The following HMGXB4 variants were observed in gnomAD, a reference collection of about 807,000 sequenced individuals.
HMGXB4 encodes the protein HMG domain-containing protein 4.
In HMGXB4, 27 loss-of-function variants were observed where a neutral mutation model predicts 63.9. The observed-to-expected ratio is 0.42, with a 90% CI of 0.31 to 0.58. The LOEUF (loss-of-function observed/expected upper bound fraction) is 0.58. Among genes scored for constraint, HMGXB4 ranks in the 20% least tolerant of loss-of-function variants. The pLI is 0.13. For synonymous variants in HMGXB4, 264 were observed against 265.3 expected (o/e 0.99, Z 0.05); for missense variants, 624 against 700.7 (o/e 0.89, Z 1.24).
chr22:35,278,078 G>A (rs1219010884), intron 5 of HMGXB4, among the ~76,000 whole-genome samples: 2 of 152,172 alleles, frequency 1.3e-5, no homozygotes, highest in Non-Finnish European at 2.9e-5. Context: ...TTTCCAGAAT[G>A]CCACATAGTT....
chr22:35,263,289 A>ATT, intron 3 of HMGXB4, 63 bp downstream of exon 3: 1 of 1,259,380 alleles, frequency 7.9e-7, no homozygotes, highest in South Asian at 1.4e-5. Flanking sequence ...GGTGATGCAG[A>ATT]GTTTTTTTTT....
rs368727575 is a variant in HMGXB4 at position 35,262,345 on chromosome 22, G to A, written c.-46G>A. On this transcript the variant is annotated 5_prime_UTR_variant, in exon 2 of 11. Coordinates refer to ENST00000216106, the MANE Select transcript of HMGXB4 (RefSeq NM_001003681.3). ...CAGACCTGGTCCTGTAGACGGGAAGGAGCCTGGACACAGTGACACATTCTC... is the reference window on the plus strand; with the variant it reads ...CAGACCTGGTCCTGTAGACGGGAAGAAGCCTGGACACAGTGACACATTCTC... 6.3e-7 allele frequency: 1 copy of A among 1,598,388 alleles called. No individual in the cohort carries two copies. Among genetic ancestry groups the A allele is most frequent in the African/African-American group, 1.3e-5 (1 of 74,614 alleles).
chr22:35,257,602 C>T lies in HMGXB4; in HGVS notation c.-69+45C>T, dbSNP rs557071102. The T allele has an allele frequency of 2.0e-4, 31 of 152,612 alleles. No individual in the cohort carries two copies. The South Asian group carries it at 6.4e-3, about 32-fold the overall frequency. The allele number at this position is 152,612 out of a possible 1,614,324, so 9.5% of individuals were successfully genotyped here. A position where few individuals can be genotyped will look rare whatever the true frequency, so the allele number is the denominator to read the frequency against. On this transcript the variant is annotated intron_variant, in intron 1 of 10. Coordinates refer to ENST00000216106, the MANE Select transcript of HMGXB4 (RefSeq NM_001003681.3). ...CCAGGAGACCGGGCTGGGCCCCCAC[C>T]CTGAGGCGGCAGCAGCCCCGCCCCG... is the stretch of plus-strand genomic sequence containing the variant.
At position 35,265,524 on chromosome 22, in the gene HMGXB4, C is replaced by T; in HGVS notation, c.1136C>T (p.Pro379Leu). 6.2e-7 allele frequency: 1 copy of T among 1,613,560 alleles called. No homozygotes were observed. The highest frequency in any genetic ancestry group is 2.2e-5 in the East Asian group (1 of 44,836). The change falls in exon 5 of 11, where the codon CCT becomes CTT. Residue 379 changes from proline to leucine, a missense_variant. Transcript: ENST00000216106. ...GCAGCAGCACCTCCCCTGCCACTTC[C>T]TGGCCTCCACACAGATGGGCATAGT... Reference protein sequence around the residue: ...AGAAAPPLPLPGLHTDGHSEK... With the variant: ...AGAAAPPLPLLGLHTDGHSEK...
chr22:35,295,065 T>A lies in HMGXB4; in HGVS notation c.*1414T>A, dbSNP rs1925182725. 2 of 152,222 alleles carry A rather than the reference T, an allele frequency of 1.3e-5. No homozygotes were observed. The highest frequency in any genetic ancestry group is 1.5e-5 in the Non-Finnish European group (1 of 68,056). The allele number at this position is 152,222 out of a possible 1,614,324, so 9.4% of individuals were successfully genotyped here. On this transcript the variant is annotated 3_prime_UTR_variant, in exon 11 of 11. Coordinates refer to ENST00000216106, the MANE Select transcript of HMGXB4 (RefSeq NM_001003681.3). ...AGTTGGAAAGAAGACAGTTGAGCAC[T>A]TCAGGATGGTTTTTAAATTTGGTAT...
chr22:35,241,706 G>C, the HMGXB4 span, among the ~76,000 whole-genome samples: 3 of 152,184 alleles, frequency 2.0e-5, no homozygotes, highest in African/African-American at 4.8e-5. Flanking sequence ...TTCTCCACTG[G>C]GGGCGTGTGT....
chr22:35,250,656 C>G, the HMGXB4 span, among the ~76,000 whole-genome samples: 2 of 101,864 alleles, frequency 2.0e-5, no homozygotes, highest in African/African-American at 5.0e-5. Flanking sequence ...CTCTTGGTTC[C>G]AAATGACAGA....
upstream of HMGXB4, among the ~76,000 whole-genome samples, chr22:35,253,144 A>AAAAAAAAAAAAAAAAAAAAGAAAAAAAG (rs11282400): frequency 2.4e-5 from 3 of 125,312 alleles, no homozygotes; most frequent in African/African-American, 8.6e-5. Flanking sequence ...AAAAAAAAAA[A>AAAAAAAAAAAAAAAAAAAAGAAAAAAAG]AAAAAAGAAA....
chr22:35,281,460 G>A (rs904776981), intron 5 of HMGXB4, among the ~76,000 whole-genome samples: 6 of 152,164 alleles, frequency 3.9e-5, no homozygotes, highest in Non-Finnish European at 8.8e-5. Context: ...CTTTTCTTCA[G>A]TATGTGAATT....
At chr22:35,290,506 G>A (rs1416768406) in intron 9 of HMGXB4, among the ~76,000 whole-genome samples, 2 of 151,872 alleles carry the variant, frequency 1.3e-5, no homozygotes, top group Non-Finnish European at 2.9e-5. Flanking sequence ...TTAGCTGGGC[G>A]TGGTGGCGGG....
At chr22:35,279,610 T>C (rs1205881675) in intron 5 of HMGXB4, among the ~76,000 whole-genome samples, 2 of 151,642 alleles carry the variant, frequency 1.3e-5, no homozygotes, top group Non-Finnish European at 2.9e-5. Flanking sequence ...AGTTTTGTAC[T>C]TTACATTTAG....
rs907820795 is a variant in HMGXB4, at chr22:35,295,776, T to C, written c.*2125T>C. The C allele has an allele frequency of 1.3e-5, 2 of 152,656 alleles. No homozygotes were observed. The highest frequency in any genetic ancestry group is 4.8e-5 in the African/African-American group (2 of 41,464). The allele number at this position is 152,656 out of a possible 1,614,324, so 9.5% of individuals were successfully genotyped here. On this transcript the variant is annotated 3_prime_UTR_variant, in exon 11 of 11. Coordinates refer to ENST00000216106, the MANE Select transcript of HMGXB4 (RefSeq NM_001003681.3). ...ATAAAGAAATAAAATTTTGTACTTA[T>C]ATTATTAAAAATCACATTTTTAATA...
the HMGXB4 span, among the ~76,000 whole-genome samples, chr22:35,250,444 C>T: frequency 2.2e-4 from 33 of 152,236 alleles, no homozygotes; most frequent in African/African-American, 7.2e-4. Context: ...ACTCGTAAAG[C>T]AAGAACTCAT....
upstream of HMGXB4, among the ~76,000 whole-genome samples, chr22:35,256,033 A>G (rs1472900231): frequency 1.3e-5 from 2 of 152,242 alleles, no homozygotes; most frequent in African/African-American, 4.8e-5. Flanking sequence ...GTGTTTTAAC[A>G]TCTCAGCATC....
At chr22:35,263,329 G>A in intron 3 of HMGXB4, 103 bp downstream of exon 3, 1 of 907,876 alleles carries the variant, frequency 1.1e-6, no homozygotes, top group Non-Finnish European at 1.6e-6. Flanking sequence ...CATGGCCCAG[G>A]CTTGAATGCA....
chr22:35,258,375 C>T (rs1388486537), intron 1 of HMGXB4: 4 of 152,194 alleles, frequency 2.6e-5, no homozygotes, highest in African/African-American at 4.8e-5. Flanking sequence ...ATTATATTTC[C>T]TCCTAATAGA....
chr22:35,268,887 C>T (rs1923428747), intron 5 of HMGXB4, among the ~76,000 whole-genome samples: 1 of 152,172 alleles, frequency 6.6e-6, no homozygotes, highest in Admixed American at 6.5e-5. Context: ...CATATTGAAG[C>T]TCTGCCCTCT....
chr22:35,268,769 C>T lies in HMGXB4; in HGVS notation c.1215+3166C>T, dbSNP rs567200093. On this transcript the variant is annotated intron_variant, in intron 5 of 10. Transcript: ENST00000216106. ...GCCTAATCCTCCCTTTTCAGCTTTACCTCTTATTAGTCTATTAAACATACA... is the reference window on the plus strand; with the variant it reads ...GCCTAATCCTCCCTTTTCAGCTTTATCTCTTATTAGTCTATTAAACATACA... Among the ~76,000 whole-genome samples, 107 of 152,314 alleles carry T rather than the reference C, an allele frequency of 7.0e-4. 1 individual carries two copies. Among genetic ancestry groups the T allele is most frequent in the African/African-American group, 2.5e-3 (105 of 41,560 alleles).
chr22:35,256,781 G>C (rs911147363), upstream of HMGXB4, among the ~76,000 whole-genome samples: 1 of 152,218 alleles, frequency 6.6e-6, no homozygotes, highest in Admixed American at 6.5e-5. Flanking sequence ...GATTACAGGC[G>C]TGAGCCACCG....
Sources: allele counts gnomAD v4.1 joint callset (sites outside exome capture counted in the v4.1 genomes callset), GRCh38; gene constraint gnomAD v4.1.1; transcripts MANE v1.5; gene names NCBI Gene and HGNC (gene_info 2026-07-23, HGNC 2026-07-21).